The following HEMK2 variants were observed in gnomAD, a reference collection of about 807,000 sequenced individuals.
HEMK2 encodes the protein HemK methyltransferase 2, ETF1 glutamine and histone H4 lysine, also known as methyltransferase HEMK2.
At chr21:28,860,921 T>C in the HEMK2 span, among the ~76,000 whole-genome samples, 1 of 152,188 alleles carries the variant, frequency 6.6e-6, no homozygotes, top group Admixed American at 6.5e-5. Context: ...GATTAAAAGA[T>C]GGCCCACTGT....
chr21:28,650,631 G>A, the HEMK2 span, among the ~76,000 whole-genome samples: 1 of 152,174 alleles, frequency 6.6e-6, no homozygotes, highest in Non-Finnish European at 1.5e-5. Flanking sequence ...GAGCAACTGT[G>A]TGAGATGAGT....
chr21:28,877,409 A>G, the HEMK2 span, among the ~76,000 whole-genome samples: 6 of 12,308 alleles, frequency 4.9e-4, no homozygotes, highest in African/African-American at 8.3e-4. Flanking sequence ...AAGAAAAAAA[A>G]GAAGGAAGGA....
chr21:28,798,023 AC>A, the HEMK2 span, among the ~76,000 whole-genome samples: 1 of 152,048 alleles, frequency 6.6e-6, no homozygotes, highest in Non-Finnish European at 1.5e-5. Flanking sequence ...AACACCATGC[AC>A]CCTGCCTCCT....
the HEMK2 span, among the ~76,000 whole-genome samples, chr21:28,805,752 C>A: frequency 1.3e-5 from 2 of 152,124 alleles, no homozygotes; most frequent in East Asian, 3.9e-4. Context: ...ATTCTTTCGG[C>A]TGGGTAGATG....
At chr21:28,718,905 A>C in the HEMK2 span, among the ~76,000 whole-genome samples, 326 of 152,312 alleles carry the variant, frequency 2.1e-3, 2 homozygotes, top group African/African-American at 7.4e-3. Flanking sequence ...AAAATCTGTC[A>C]ATGATTGTGC....
chr21:28,702,146 G>C, the HEMK2 span, among the ~76,000 whole-genome samples: 2 of 152,046 alleles, frequency 1.3e-5, no homozygotes, highest in Non-Finnish European at 2.9e-5. Context: ...GATTGAAACT[G>C]GACCCCTGCC....
At chr21:28,851,671 T>G in the HEMK2 span, among the ~76,000 whole-genome samples, 2 of 152,226 alleles carry the variant, frequency 1.3e-5, no homozygotes, top group African/African-American at 4.8e-5. Context: ...ATAAGTCCAG[T>G]GTGTTCACTA....
the HEMK2 span, among the ~76,000 whole-genome samples, chr21:28,778,075 T>C: frequency 1.3e-5 from 2 of 152,220 alleles, no homozygotes; most frequent in Non-Finnish European, 2.9e-5. Context: ...TTGTGAAATT[T>C]GTATACAATG....
chr21:28,638,109 C>T, the HEMK2 span, among the ~76,000 whole-genome samples: 40 of 152,226 alleles, frequency 2.6e-4, no homozygotes, highest in African/African-American at 6.0e-4. Context: ...GGGAACACAA[C>T]GAAAACAAGA....
chr21:28,733,571 C>A, the HEMK2 span, among the ~76,000 whole-genome samples: 2 of 152,068 alleles, frequency 1.3e-5, no homozygotes, highest in African/African-American at 4.8e-5. Context: ...TTCCTCCACC[C>A]ACACCTTACA....
chr21:28,625,796 T>C, the HEMK2 span, among the ~76,000 whole-genome samples: 1 of 151,778 alleles, frequency 6.6e-6, no homozygotes, highest in South Asian at 2.1e-4. Flanking sequence ...TAGATTAAGG[T>C]AGATAGGGAA....
At chr21:28,860,275 G>T in the HEMK2 span, among the ~76,000 whole-genome samples, 1 of 151,966 alleles carries the variant, frequency 6.6e-6, no homozygotes, top group Non-Finnish European at 1.5e-5. Flanking sequence ...GACTGGCCTA[G>T]CCTCCCAGCC....
At chr21:28,741,580 G>A in the HEMK2 span, among the ~76,000 whole-genome samples, 1 of 152,072 alleles carries the variant, frequency 6.6e-6, no homozygotes, top group African/African-American at 2.4e-5. Context: ...GCCCCAGCGG[G>A]TGTTGTTCCC....
the HEMK2 span, among the ~76,000 whole-genome samples, chr21:28,619,073 T>C: frequency 1.3e-5 from 2 of 152,212 alleles, no homozygotes; most frequent in Middle Eastern, 6.8e-3. Context: ...GACACTGACA[T>C]GTACAGAGGG....
the HEMK2 span, among the ~76,000 whole-genome samples, chr21:28,877,231 G>T: frequency 8.0e-6 from 1 of 124,272 alleles, no homozygotes; most frequent in Non-Finnish European, 1.7e-5. Context: ...GGGAAGGAAG[G>T]AAAGGAAGGG....
At chr21:28,683,867 C>T in the HEMK2 span, among the ~76,000 whole-genome samples, 1 of 152,182 alleles carries the variant, frequency 6.6e-6, no homozygotes, top group Non-Finnish European at 1.5e-5. Context: ...TAAAAGCTAA[C>T]TTTCATAATC....
At chr21:28,599,294 A>G in the HEMK2 span, among the ~76,000 whole-genome samples, 1 of 152,194 alleles carries the variant, frequency 6.6e-6, no homozygotes, top group Non-Finnish European at 1.5e-5. Flanking sequence ...AAGAAGTTTA[A>G]TGGATTCACA....
the HEMK2 span, among the ~76,000 whole-genome samples, chr21:28,734,443 T>C: frequency 6.6e-6 from 1 of 152,218 alleles, no homozygotes; most frequent in African/African-American, 2.4e-5. Context: ...TTTGCAATCA[T>C]ATTTATAATG....
the HEMK2 span, among the ~76,000 whole-genome samples, chr21:28,882,742 T>C: frequency 6.6e-6 from 1 of 152,208 alleles, no homozygotes. Context: ...TGTCTTATGA[T>C]ATCAAATTAC....
Sources: allele counts gnomAD v4.1 joint callset (sites outside exome capture counted in the v4.1 genomes callset), GRCh38; gene constraint gnomAD v4.1.1; transcripts MANE v1.5; gene names NCBI Gene and HGNC (gene_info 2026-07-23, HGNC 2026-07-21).